RBM47: variants seen among roughly 807,000 people sequenced by gnomAD.
RBM47 encodes the protein RNA-binding protein 47.
Under a neutral mutation model 47.1 loss-of-function variants are expected in RBM47, and 21 were observed. The ratio of observed to expected loss-of-function variants is 0.45; its 90% CI spans 0.32 to 0.64. The LOEUF (loss-of-function observed/expected upper bound fraction) is 0.64. Among genes scored for constraint, RBM47 ranks in the 30% least tolerant of loss-of-function variants. RBM47 has a pLI of 0.05. For synonymous variants in RBM47, 375 were observed against 361.7 expected (o/e 1.04, Z -0.42); for missense variants, 708 against 870.9 (o/e 0.81, Z 2.35).
At chr4:40,596,522 C>G (rs149249758) in intron 1 of RBM47, among the ~76,000 whole-genome samples, 2 of 152,136 alleles carry the variant, frequency 1.3e-5, no homozygotes, top group African/African-American at 4.8e-5. Context: ...TTGAGCCATA[C>G]AGTTTGAGTG....
chr4:40,503,935 G>A (rs1427037515), intron 2 of RBM47, among the ~76,000 whole-genome samples: 1 of 152,090 alleles, frequency 6.6e-6, no homozygotes, highest in African/African-American at 2.4e-5. Context: ...CACTTTGGGA[G>A]GCTGAGGTGG....
chr4:40,462,147 C>T lies in RBM47; in HGVS notation c.-32+4430G>A, dbSNP rs79430771. The stretch of plus-strand genomic sequence containing the variant: ...TCCAGTGCAGACATTTGAAGCTAGG[C>T]GAGGCGGGTTACACAGCCTGGGGAG... On this transcript the variant is annotated intron_variant, in intron 3 of 6. Coordinates refer to ENST00000295971, the MANE Select transcript of RBM47 (RefSeq NM_001098634.2). 2.1e-3 allele frequency among the ~76,000 whole-genome samples: 312 copies of T among 152,122 alleles called. 7 individuals are homozygous for T. In the East Asian group the frequency reaches 0.053, roughly 26 times the overall value.
At chr4:40,508,601 G>C (rs1724445393) in intron 2 of RBM47, among the ~76,000 whole-genome samples, 1 of 152,200 alleles carries the variant, frequency 6.6e-6, no homozygotes, top group African/African-American at 2.4e-5. Flanking sequence ...AGATACAAAA[G>C]AGTACATACT....
intron 2 of RBM47, among the ~76,000 whole-genome samples, chr4:40,525,020 T>A (rs762873564): frequency 2.8e-4 from 43 of 152,162 alleles, no homozygotes; most frequent in Non-Finnish European, 4.9e-4. Flanking sequence ...ATTTTTATGA[T>A]CCAGTATGGG....
At chr4:40,623,920 C>T (rs1033146660) in intron 1 of RBM47, among the ~76,000 whole-genome samples, 6 of 152,082 alleles carry the variant, frequency 3.9e-5, no homozygotes, top group Admixed American at 2.0e-4. Flanking sequence ...GACGCAATCT[C>T]GGCTCACTGC....
At chr4:40,526,632 G>A (rs1488533731) in intron 2 of RBM47, among the ~76,000 whole-genome samples, 1 of 151,894 alleles carries the variant, frequency 6.6e-6, no homozygotes, top group Non-Finnish European at 1.5e-5. Flanking sequence ...GGAGTACAGT[G>A]GTGCCATAAC....
chr4:40,523,819 C>T (rs919624616), intron 2 of RBM47, among the ~76,000 whole-genome samples: 6 of 149,940 alleles, frequency 4.0e-5, no homozygotes, highest in African/African-American at 9.9e-5. Flanking sequence ...GAGCAGTAAT[C>T]GCGCCACTGC....
At chr4:40,510,439 C>CT (rs1724774125) in intron 2 of RBM47, among the ~76,000 whole-genome samples, 1 of 152,110 alleles carries the variant, frequency 6.6e-6, no homozygotes, top group African/African-American at 2.4e-5. Flanking sequence ...GCTAGAGATA[C>CT]AGTAGCAAGT....
chr4:40,443,717 C>CAAAAAAAAAAAAAAAAAAAAAAA (rs10581870), intron 3 of RBM47, among the ~76,000 whole-genome samples: 2 of 47,720 alleles, frequency 4.2e-5, no homozygotes, highest in African/African-American at 1.7e-4. Flanking sequence ...AACTCCTTCT[C>CAAAAAAAAAAAAAAAAAAAAAAA]AAAAAAAAAA....
chr4:40,557,565 A>G (rs1441644295), intron 1 of RBM47, among the ~76,000 whole-genome samples: 2 of 152,170 alleles, frequency 1.3e-5, no homozygotes, highest in Admixed American at 6.5e-5. Context: ...CCTGGCCAAC[A>G]TGGTGAAACT....
At chr4:40,532,956 C>A (rs1727558414) in intron 2 of RBM47, among the ~76,000 whole-genome samples, 1 of 152,098 alleles carries the variant, frequency 6.6e-6, no homozygotes, top group African/African-American at 2.4e-5. Flanking sequence ...CAAAGAGGAT[C>A]TGTAGCTGTA....
At chr4:40,430,839 CA>C (rs755272360) in intron 6 of RBM47, among the ~76,000 whole-genome samples, 1 of 152,210 alleles carries the variant, frequency 6.6e-6, no homozygotes, top group Non-Finnish European at 1.5e-5. Flanking sequence ...GTAATCCCAG[CA>C]CTTGGGGAGC....
chr4:40,530,770 A>G (rs2154259331), intron 2 of RBM47, among the ~76,000 whole-genome samples: 1 of 152,088 alleles, frequency 6.6e-6, no homozygotes, highest in East Asian at 1.9e-4. Context: ...TGATCACAGG[A>G]CTCTTTTTCC....
chr4:40,607,900 T>C (rs1365660267), intron 1 of RBM47, among the ~76,000 whole-genome samples: 1 of 151,850 alleles, frequency 6.6e-6, no homozygotes, highest in African/African-American at 2.4e-5. Context: ...TGTTCAAGAG[T>C]TGAAGACCAG....
intron 2 of RBM47, among the ~76,000 whole-genome samples, chr4:40,539,769 A>G (rs60259909): frequency 0.027 from 3,491 of 131,394 alleles, 193 homozygotes; most frequent in African/African-American, 0.092. Flanking sequence ...AAAAAAAAAA[A>G]GATATATCTT....
At chr4:40,437,145 A>G (rs1484320905) in intron 4 of RBM47, among the ~76,000 whole-genome samples, 6 of 58,006 alleles carry the variant, frequency 1.0e-4, no homozygotes, top group Non-Finnish European at 1.9e-4. Flanking sequence ...ATACATATAT[A>G]TATATAAAAT....
chr4:40,607,339 C>A (rs1735855694), intron 1 of RBM47, among the ~76,000 whole-genome samples: 1 of 152,082 alleles, frequency 6.6e-6, no homozygotes, highest in Admixed American at 6.6e-5. Flanking sequence ...TACTGGTTGC[C>A]AGGGGATGGG....
chr4:40,567,780 G>A (rs1042506118), intron 1 of RBM47, among the ~76,000 whole-genome samples: 4 of 151,878 alleles, frequency 2.6e-5, no homozygotes, highest in African/African-American at 9.7e-5. Context: ...AACAAGAGAG[G>A]CACAAAAATG....
intron 6 of RBM47, among the ~76,000 whole-genome samples, chr4:40,430,133 T>C (rs770162695): frequency 4.6e-5 from 7 of 151,912 alleles, no homozygotes; most frequent in Non-Finnish European, 8.8e-5. Context: ...AGGCGGAGGT[T>C]GCAGTAAGCC....
Sources: gnomAD v4.1 joint callset for allele counts (sites outside exome capture counted in the v4.1 genomes callset) on GRCh38, gnomAD v4.1.1 for gene constraint, MANE v1.5 for transcripts, NCBI Gene and HGNC (gene_info 2026-07-23, HGNC 2026-07-21) for gene names.